The following CCDC7 variants were observed in gnomAD, a reference collection of about 807,000 sequenced individuals.
The protein encoded by CCDC7 is coiled-coil domain-containing protein 7.
A neutral mutation model predicts 196.9 loss-of-function variants in CCDC7; 183 were observed. The observed-to-expected ratio is 0.93, with a 90% confidence interval of 0.82 to 1.05. The LOEUF (loss-of-function observed/expected upper bound fraction) is 1.05, where lower values mean the gene tolerates loss of function less well. Ranked by LOEUF, CCDC7 falls within the 50% of genes least tolerant of loss-of-function variation. The probability of loss-of-function intolerance (pLI) is 0.00; values close to 1 mark genes in which losing one functional copy is unlikely to be tolerated. For synonymous variants in CCDC7, 525 were observed against 484.6 expected, an observed-to-expected ratio of 1.08 and a Z score of -1.10; for missense variants, 1,540 against 1,482.2, an observed-to-expected ratio of 1.04 and a Z score of -0.64.
At chr10:32,574,725 C>A (rs899388555) in intron 16 of CCDC7, among the ~76,000 whole-genome samples, 8 of 152,112 alleles carry the variant, frequency 5.3e-5, no homozygotes, top group Non-Finnish European at 7.4e-5. Flanking sequence ...AAAATGTGAA[C>A]TAATTCATGG....
chr10:32,554,858 C>G (rs2054092748), intron 13 of CCDC7, among the ~76,000 whole-genome samples: 1 of 152,130 alleles, frequency 6.6e-6, no homozygotes, highest in South Asian at 2.1e-4. Context: ...CACTCCACCC[C>G]CTACTACTAT....
chr10:32,697,636 T>C (rs1417904829), intron 24 of CCDC7, among the ~76,000 whole-genome samples: 1 of 152,078 alleles, frequency 6.6e-6, no homozygotes, highest in African/African-American at 2.4e-5. Flanking sequence ...GCATCTGCCA[T>C]TGCTGAGGCT....
At position 32,787,041 on chromosome 10, in the gene CCDC7, G is replaced by A. The variant is rs539434767; in HGVS notation, c.3013+7957G>A. On this transcript the variant is annotated intron_variant, in intron 29 of 41. Coordinates refer to ENST00000639629, the Ensembl canonical transcript of CCDC7. Reference sequence around the variant, plus strand: ...AAGTCTGAGAAGCAGGAATAAAAACGAAGGAAAGGGAAGGGACCTGTGGGA... The same window carrying A: ...AAGTCTGAGAAGCAGGAATAAAAACAAAGGAAAGGGAAGGGACCTGTGGGA... 2.0e-5 allele frequency among the ~76,000 whole-genome samples: 3 copies of A among 152,236 alleles called. No individual in the cohort carries two copies. The East Asian group carries it at 5.8e-4, about 29-fold the overall frequency.
intron 20 of CCDC7, among the ~76,000 whole-genome samples, chr10:32,653,623 G>A (rs12217674): frequency 0.089 from 13,526 of 152,094 alleles, 856 homozygotes; most frequent in East Asian, 0.33. Context: ...ATCTTGCTCT[G>A]GTGATTCTAT....
At position 32,518,687 on chromosome 10, in the gene CCDC7, CA is replaced by C. The variant is rs1293869624; in HGVS notation, c.993+186del. Among the ~76,000 whole-genome samples the C allele has an allele frequency of 2.0e-4, 22 of 109,842 alleles. 1 individual carries two copies. Among genetic ancestry groups the C allele is most frequent in the Admixed American group, 4.3e-4 (4 of 9,284 alleles). The allele number at this position is 109,842 out of a possible 152,430, so 72.1% of individuals were successfully genotyped here. On this transcript the variant is annotated intron_variant, in intron 11 of 41. Transcript: ENST00000639629. ...AAATTATCATATTAGGTGTCAAAAC[CA>C]AAAGGATGCCATGAAAAAACATAAA... is the stretch of plus-strand genomic sequence containing the variant.
At chr10:32,621,633 G>T (rs1383929232) in intron 18 of CCDC7, among the ~76,000 whole-genome samples, 1 of 152,172 alleles carries the variant, frequency 6.6e-6, no homozygotes, top group Non-Finnish European at 1.5e-5. Context: ...TGCTGATGGT[G>T]TAACCTCCAC....
chr10:32,529,076 C>A (rs2135823672), intron 11 of CCDC7, among the ~76,000 whole-genome samples: 1 of 152,096 alleles, frequency 6.6e-6, no homozygotes, highest in East Asian at 1.9e-4. Context: ...GGCTGGAGAG[C>A]AATGGTGTGG....
intron 9 of CCDC7, among the ~76,000 whole-genome samples, chr10:32,501,774 C>T (rs963804006): frequency 2.2e-4 from 34 of 152,316 alleles, no homozygotes; most frequent in Middle Eastern, 3.4e-3. Context: ...AGGTGTCTAT[C>T]GGCCCCTACT....
chr10:32,711,989 C>G (rs775346518), intron 25 of CCDC7, among the ~76,000 whole-genome samples: 3 of 152,132 alleles, frequency 2.0e-5, no homozygotes, highest in Admixed American at 6.5e-5. Context: ...ATAATTGTCT[C>G]ACAAAAGATG....
chr10:32,742,525 C>A (rs1445892487), intron 28 of CCDC7, among the ~76,000 whole-genome samples: 1 of 152,172 alleles, frequency 6.6e-6, no homozygotes, highest in Non-Finnish European at 1.5e-5. Flanking sequence ...TCCTCACAAC[C>A]ACTGACCTTT....
chr10:32,618,670 T>C (rs2063044236), intron 18 of CCDC7, among the ~76,000 whole-genome samples: 1 of 152,100 alleles, frequency 6.6e-6, no homozygotes, highest in Non-Finnish European at 1.5e-5. Context: ...GTTAGTCAGA[T>C]GTGGTTTCCT....
exon 39 of CCDC7, chr10:32,848,706 T>C: frequency 6.5e-7 from 1 of 1,543,452 alleles, no homozygotes; most frequent in Non-Finnish European, 9.0e-7. Context: ...TTTATCACCC[T>C]TTGAAAATAA....
intron 41 of CCDC7, among the ~76,000 whole-genome samples, chr10:32,863,779 C>A (rs12268767): frequency 0.09 from 13,659 of 151,666 alleles, 719 homozygotes; most frequent in South Asian, 0.25. Context: ...ACATGTAAGA[C>A]CTGAAACTAT....
At chr10:32,593,231 G>A (rs566486563) in intron 18 of CCDC7, among the ~76,000 whole-genome samples, 67 of 152,110 alleles carry the variant, frequency 4.4e-4, no homozygotes, top group Admixed American at 8.5e-4. Context: ...ACTTTTTAAT[G>A]ATTGCCATTC....
intron 41 of CCDC7, among the ~76,000 whole-genome samples, chr10:32,871,181 G>GCT (rs2094415790): frequency 1.5e-4 from 23 of 152,308 alleles, no homozygotes; most frequent in Admixed American, 1.4e-3. Flanking sequence ...AATGGTACCA[G>GCT]TTCCTCCTTG....
rs2078963561 is a variant in CCDC7 at position 32,702,698 on chromosome 10, G to A, written c.2458+7706G>A. Among the ~76,000 whole-genome samples, 8 of 152,108 alleles carry A rather than the reference G, an allele frequency of 5.3e-5. No homozygotes were observed. The South Asian group carries it at 1.7e-3, about 32-fold the overall frequency. On this transcript the variant is annotated intron_variant, in intron 24 of 41. Transcript: ENST00000639629. The stretch of plus-strand genomic sequence containing the variant: ...CTAAGGGCTTTCTTTATGAATCTGG[G>A]TGCTCCTGTATTGGGTGCATACATA...
chr10:32,736,640 T>C lies in CCDC7; in HGVS notation c.2905+7183T>C, dbSNP rs1362040608. 2.0e-5 allele frequency among the ~76,000 whole-genome samples: 3 copies of C among 151,168 alleles called. 1 individual carries two copies. Among genetic ancestry groups the C allele is most frequent in the Admixed American group, 6.6e-5 (1 of 15,158 alleles). ...TCTTTATATATCTCTTATACATATT[T>C]TGTTAGGTTTATAATTACCTCATTT... is the stretch of plus-strand genomic sequence containing the variant. On this transcript the variant is annotated intron_variant, in intron 28 of 41. Transcript: ENST00000639629.
At chr10:32,676,369 G>A (rs1321281116) in intron 21 of CCDC7, among the ~76,000 whole-genome samples, 3 of 151,898 alleles carry the variant, frequency 2.0e-5, no homozygotes, top group Non-Finnish European at 2.9e-5. Flanking sequence ...ATTGACAAAT[G>A]GGATCTAATT....
intron 28 of CCDC7, among the ~76,000 whole-genome samples, chr10:32,768,221 T>G (rs1288837472): frequency 1.3e-5 from 2 of 152,162 alleles, no homozygotes; most frequent in Non-Finnish European, 1.5e-5. Context: ...ATCAGTATTC[T>G]GTATTTTTCC....
Sources: gnomAD v4.1 joint callset for allele counts (sites outside exome capture counted in the v4.1 genomes callset) on GRCh38, gnomAD v4.1.1 for gene constraint, MANE v1.5 for transcripts, NCBI Gene and HGNC (gene_info 2026-07-23, HGNC 2026-07-21) for gene names.